FRMPD4: variants seen among roughly 807,000 people sequenced by gnomAD.
FRMPD4 encodes the protein FERM and PDZ domain containing 4.
Under a neutral mutation model 94.1 loss-of-function variants are expected in FRMPD4, and 22 were observed. The ratio of observed to expected loss-of-function variants is 0.23; its 90% CI spans 0.17 to 0.33. The LOEUF (loss-of-function observed/expected upper bound fraction) is 0.33, where lower values mean the gene tolerates loss of function less well. FRMPD4 is among the 10% of genes least tolerant of loss of function. The pLI is 1.00. For synonymous variants in FRMPD4, 631 were observed against 548.6 expected (o/e 1.15, Z -2.10); for missense variants, 1,111 against 1,339.9 (o/e 0.83, Z 2.67).
intron 3 of FRMPD4, among the ~76,000 whole-genome samples, chrX:12,069,239 A>G (rs1047655587): frequency 1.5e-4 from 17 of 111,884 alleles, no homozygotes; most frequent in Admixed American, 1.1e-3. Flanking sequence ...AACGAGGGGA[A>G]GACTGCTGGT....
At position 12,716,354 on chromosome X, in the gene FRMPD4, C is replaced by G; in HGVS notation, c.1895C>G (p.Thr632Ser). The G allele has an allele frequency of 8.3e-7, 1 of 1,211,594 alleles. No individual in the cohort carries two copies. Among genetic ancestry groups the G allele is most frequent in the Non-Finnish European group, 1.1e-6 (1 of 895,188 alleles). Residue 632 changes from threonine (T) to serine (S), a missense_variant, in exon 15 of 17, where the codon ACC becomes AGC. Transcript: ENST00000675598. ...AGTCTAGCTCAGCGGTCCCTATTGA[C>G]CCTCTCAGGACCAGAAACTCTGAAG... ...YRSLAQRSLLTLSGPETLKKA... is the reference protein window; with the variant it reads ...YRSLAQRSLLSLSGPETLKKA...
intron 14 of FRMPD4, among the ~76,000 whole-genome samples, chrX:12,712,265 G>A (rs1448443853): frequency 9.1e-6 from 1 of 110,253 alleles, no homozygotes; most frequent in Non-Finnish European, 1.9e-5. Context: ...GAAAGAGATA[G>A]AAGCCAGATG....
intron 2 of FRMPD4, among the ~76,000 whole-genome samples, chrX:12,524,307 C>G (rs961215931): frequency 1.6e-4 from 18 of 112,342 alleles, no homozygotes; most frequent in Non-Finnish European, 3.4e-4. Flanking sequence ...ATTTTGGAAT[C>G]TATCTCCTTC....
intron 1 of FRMPD4, among the ~76,000 whole-genome samples, chrX:12,408,971 T>C (rs962993258): frequency 1.8e-5 from 2 of 111,080 alleles, no homozygotes; most frequent in African/African-American, 6.5e-5. Context: ...CTGGCAAACC[T>C]CACCTTCACA....
intron 4 of FRMPD4, among the ~76,000 whole-genome samples, chrX:12,660,298 C>T (rs1416269530): frequency 8.9e-6 from 1 of 112,138 alleles, no homozygotes; most frequent in Non-Finnish European, 1.9e-5. Context: ...CAATTGTGCC[C>T]TCCAAATTAT....
chrX:12,463,682 T>TGTG (rs60848578), intron 1 of FRMPD4, among the ~76,000 whole-genome samples: 1,920 of 31,169 alleles, frequency 0.062, 135 homozygotes, highest in African/African-American at 0.19. Context: ...TATGTGTGTG[T>TGTG]TTTTTTTTTG....
intron 4 of FRMPD4, among the ~76,000 whole-genome samples, chrX:12,644,231 G>A (rs1054719441): frequency 1.4e-4 from 15 of 110,917 alleles, no homozygotes; most frequent in African/African-American, 4.9e-4. Flanking sequence ...CACCACACCT[G>A]GCTAATTTTT....
chrX:12,227,729 G>C (rs912685876), intron 1 of FRMPD4, among the ~76,000 whole-genome samples: 6 of 110,449 alleles, frequency 5.4e-5, no homozygotes, highest in Non-Finnish European at 7.6e-5. Context: ...TGAACCCAGA[G>C]GGTCGAGGCT....
chrX:12,304,621 G>A (rs903047088), intron 1 of FRMPD4, among the ~76,000 whole-genome samples: 19 of 108,628 alleles, frequency 1.7e-4, no homozygotes, highest in African/African-American at 6.4e-4. Flanking sequence ...TAGATTTCCT[G>A]TCACTGTTCC....
intron 1 of FRMPD4, among the ~76,000 whole-genome samples, chrX:12,274,509 G>A (rs1008709167): frequency 1.8e-5 from 2 of 112,313 alleles, no homozygotes; most frequent in South Asian, 3.7e-4. Flanking sequence ...TCGTAGTTTC[G>A]GTAAGCAGCT....
At chrX:12,677,489 A>G (rs1489997834) in intron 5 of FRMPD4, among the ~76,000 whole-genome samples, 1 of 111,653 alleles carries the variant, frequency 9.0e-6, no homozygotes, top group Admixed American at 9.6e-5. Flanking sequence ...AAAAAAAAAA[A>G]AAAAAATACT....
At chrX:12,535,312 G>T (rs933959890) in intron 2 of FRMPD4, among the ~76,000 whole-genome samples, 12 of 111,497 alleles carry the variant, frequency 1.1e-4, no homozygotes, top group Non-Finnish European at 3.8e-5. Context: ...CCCAGTCTCT[G>T]GTATGTCTTT....
intron 3 of FRMPD4, among the ~76,000 whole-genome samples, chrX:12,090,505 T>C (rs1042391722): frequency 9.1e-6 from 1 of 109,801 alleles, no homozygotes; most frequent in Non-Finnish European, 1.9e-5. Context: ...AACAAACTAA[T>C]ACAAGCAGAA....
intron 3 of FRMPD4, among the ~76,000 whole-genome samples, chrX:12,074,682 A>G (rs905308441): frequency 2.7e-5 from 3 of 112,310 alleles, no homozygotes; most frequent in African/African-American, 9.7e-5. Flanking sequence ...GAAATTTGAG[A>G]TAATAAGAAA....
rs764592012 is a variant in FRMPD4, at chrX:12,013,105, G to A, written c.95+135087G>A. ...TGTTTATAGTGGTCTCTGGTTCAGA[G>A]GGAGTCATTAAGCAGTGTCTTGGAT... On this transcript the variant is annotated intron_variant, in intron 3 of 18. Coordinates refer to the FRMPD4 transcript ENST00000640291. Among the ~76,000 whole-genome samples, 5 of 111,979 alleles carry A rather than the reference G, an allele frequency of 4.5e-5. No individual in the cohort carries two copies. The East Asian group carries it at 1.4e-3, about 31-fold the overall frequency.
intron 1 of FRMPD4, among the ~76,000 whole-genome samples, chrX:12,222,356 G>A (rs2056878295): frequency 8.9e-6 from 1 of 111,863 alleles, no homozygotes; most frequent in Non-Finnish European, 1.9e-5. Context: ...TTGTGAACAA[G>A]GAACTGCATG....
chrX:12,291,632 A>C (rs2054690967), intron 1 of FRMPD4, among the ~76,000 whole-genome samples: 1 of 111,672 alleles, frequency 9.0e-6, no homozygotes, highest in Admixed American at 9.5e-5. Flanking sequence ...TGTTTCTCCT[A>C]ATCCTGAAAC....
chrX:12,522,992 G>A (rs2058181382), intron 2 of FRMPD4, among the ~76,000 whole-genome samples: 1 of 112,122 alleles, frequency 8.9e-6, no homozygotes, highest in South Asian at 3.7e-4. Context: ...GGTTAAGGAG[G>A]AACCTCTGAC....
chrX:12,084,117 C>T (rs1232406540), intron 3 of FRMPD4, among the ~76,000 whole-genome samples: 3 of 102,813 alleles, frequency 2.9e-5, no homozygotes, highest in South Asian at 4.6e-4. Context: ...TGTGTCCCCA[C>T]CCAAATCTCA....
Sources: gnomAD v4.1 joint callset for allele counts (sites outside exome capture counted in the v4.1 genomes callset) on GRCh38, gnomAD v4.1.1 for gene constraint, MANE v1.5 for transcripts, NCBI Gene and HGNC (gene_info 2026-07-23, HGNC 2026-07-21) for gene names.